The following C12orf54 variants were observed in gnomAD, a reference collection of about 807,000 sequenced individuals.
C12orf54 encodes uncharacterized protein C12orf54.
In C12orf54, 24 loss-of-function variants were observed where a neutral mutation model predicts 26.4. That is an observed-to-expected ratio of 0.91 (90% CI 0.66 to 1.28). C12orf54 has a LOEUF of 1.28. Ranked by LOEUF, C12orf54 falls within the 50% of genes most tolerant of loss-of-function variation. The pLI, the probability that C12orf54 is intolerant of heterozygous loss-of-function variation, is 0.00. For missense variants in C12orf54, 154 were observed against 150.9 expected (o/e 1.02, Z -0.11); for synonymous variants, 54 against 47.0 (o/e 1.15, Z -0.61).
Position 48,484,144 on chromosome 12 carries a change from G to A in C12orf54, c.65+783G>A, listed in dbSNP as rs529441544. Among the ~76,000 whole-genome samples the A allele has an allele frequency of 1.4e-4, 21 of 152,246 alleles. No individual in the cohort carries two copies. In the South Asian group the frequency reaches 2.3e-3, roughly 17 times the overall value. ...TGGGAGGCGGAGGTTGCGGTGAGCC[G>A]GGATCATGCCATTGCACTCCAGCCT... is the stretch of plus-strand genomic sequence containing the variant. On this transcript the variant is annotated intron_variant, in intron 2 of 8. Coordinates refer to ENST00000548364, the MANE Select transcript of C12orf54 (RefSeq NM_152319.4).
the C12orf54 span, among the ~76,000 whole-genome samples, chr12:48,427,595 G>A: frequency 6.6e-6 from 1 of 151,704 alleles, no homozygotes; most frequent in East Asian, 1.9e-4. Flanking sequence ...TTATATAACG[G>A]TAAGTGGCCT....
chr12:48,489,800 C>T (rs1017293127), intron 5 of C12orf54, among the ~76,000 whole-genome samples: 2 of 151,314 alleles, frequency 1.3e-5, no homozygotes, highest in African/African-American at 2.4e-5. Flanking sequence ...TGGCTCACCA[C>T]AACCTCCGCC....
chr12:48,425,261 G>A, the C12orf54 span, among the ~76,000 whole-genome samples: 10 of 152,026 alleles, frequency 6.6e-5, no homozygotes, highest in Non-Finnish European at 1.5e-4. Flanking sequence ...AGGCCCCACT[G>A]TGTGCTGTTC....
chr12:48,449,820 C>A, the C12orf54 span, among the ~76,000 whole-genome samples: 2 of 150,888 alleles, frequency 1.3e-5, no homozygotes, highest in African/African-American at 2.5e-5. Flanking sequence ...CAAATCTCAA[C>A]TATGTCCCCA....
chr12:48,451,366 A>G, the C12orf54 span, among the ~76,000 whole-genome samples: 1 of 152,206 alleles, frequency 6.6e-6, no homozygotes, highest in Non-Finnish European at 1.5e-5. Flanking sequence ...ACATATGACA[A>G]ACCCACAGCC....
the C12orf54 span, among the ~76,000 whole-genome samples, chr12:48,452,872 C>T: frequency 6.6e-6 from 1 of 152,038 alleles, no homozygotes; most frequent in Non-Finnish European, 1.5e-5. Flanking sequence ...AAAAAAGAAA[C>T]ATTTTTACAC....
the C12orf54 span, among the ~76,000 whole-genome samples, chr12:48,474,442 G>A: frequency 6.6e-6 from 1 of 152,176 alleles, no homozygotes; most frequent in Non-Finnish European, 1.5e-5. Context: ...GCAGGGCGAG[G>A]CATCATCTCA....
At chr12:48,452,222 C>G in the C12orf54 span, among the ~76,000 whole-genome samples, 240 of 152,236 alleles carry the variant, frequency 1.6e-3, 1 homozygote, top group Non-Finnish European at 2.2e-3. Context: ...CTTACAAAAA[C>G]AAGCAATGGG....
the C12orf54 span, among the ~76,000 whole-genome samples, chr12:48,420,030 A>G: frequency 3.8e-3 from 581 of 152,340 alleles, 1 homozygote; most frequent in African/African-American, 0.013. Context: ...CTGATTCTTG[A>G]CAAATAGATA....
At chr12:48,422,653 T>C in the C12orf54 span, among the ~76,000 whole-genome samples, 1 of 152,196 alleles carries the variant, frequency 6.6e-6, no homozygotes, top group Non-Finnish European at 1.5e-5. Flanking sequence ...AGGCAACTTG[T>C]ATAAGAAAAA....
chr12:48,478,614 A>G (rs1478911675), upstream of C12orf54, among the ~76,000 whole-genome samples: 14 of 152,178 alleles, frequency 9.2e-5, no homozygotes, highest in Non-Finnish European at 1.9e-4. Flanking sequence ...ACAGACAAAC[A>G]GAGAGCCAAA....
chr12:48,426,362 T>C, the C12orf54 span, among the ~76,000 whole-genome samples: 1 of 152,154 alleles, frequency 6.6e-6, no homozygotes, highest in Non-Finnish European at 1.5e-5. Context: ...CATTGCTTCT[T>C]TTGTCATCTT....
At chr12:48,440,153 A>T in the C12orf54 span, among the ~76,000 whole-genome samples, 1 of 151,926 alleles carries the variant, frequency 6.6e-6, no homozygotes, top group Non-Finnish European at 1.5e-5. Flanking sequence ...TGAACCTGGG[A>T]GGCGGAGGTT....
At chr12:48,473,256 C>T in the C12orf54 span, 134,620 of 1,083,966 alleles carry the variant, frequency 0.12, 17,934 homozygotes, top group East Asian at 0.63. Context: ...GGAGGAGGAA[C>T]GTGAAGAGGA....
the C12orf54 span, among the ~76,000 whole-genome samples, chr12:48,460,551 A>G: frequency 6.6e-6 from 1 of 152,164 alleles, no homozygotes; most frequent in Non-Finnish European, 1.5e-5. Context: ...AAGACTTGGT[A>G]TTCTTTTTAA....
At chr12:48,495,120 G>T in intron 8 of C12orf54, 141 bp downstream of exon 8, 1 of 605,682 alleles carries the variant, frequency 1.7e-6, no homozygotes, top group Non-Finnish European at 2.8e-6. Context: ...GGGGCAATAG[G>T]GTGAGAGGGT....
At chr12:48,486,548 C>A in intron 3 of C12orf54, 140 bp from the exon 4 acceptor site, 1 of 847,424 alleles carries the variant, frequency 1.2e-6, no homozygotes, top group Non-Finnish European at 1.9e-6. Context: ...AGACTTTTGG[C>A]TGCCTGAGAA....
At chr12:48,430,916 G>A in the C12orf54 span, among the ~76,000 whole-genome samples, 6 of 150,032 alleles carry the variant, frequency 4.0e-5, no homozygotes, top group Non-Finnish European at 5.9e-5. Context: ...ATCAATCAAC[G>A]AGTGGGTAAA....
At chr12:48,421,492 C>T in the C12orf54 span, among the ~76,000 whole-genome samples, 1 of 139,918 alleles carries the variant, frequency 7.1e-6, no homozygotes, top group African/African-American at 2.6e-5. Flanking sequence ...GACACAGATC[C>T]AAACCATCCA....
Sources: gnomAD v4.1 joint callset for allele counts (sites outside exome capture counted in the v4.1 genomes callset) on GRCh38, gnomAD v4.1.1 for gene constraint, MANE v1.5 for transcripts, NCBI Gene and HGNC (gene_info 2026-07-23, HGNC 2026-07-21) for gene names.